The following TUSC3 variants were observed in gnomAD, a reference collection of about 807,000 sequenced individuals.
The protein encoded by TUSC3 is tumor suppressor candidate 3.
TUSC3 carries 45 observed loss-of-function variants against 44.8 expected under a neutral mutation model. That is an observed-to-expected ratio of 1.00 (90% CI 0.79 to 1.29). The LOEUF is 1.29. TUSC3 is among the 50% of genes most tolerant of loss of function. The pLI is 0.00. For missense variants in TUSC3, 519 were observed against 437.9 expected, an observed-to-expected ratio of 1.19 and a Z score of -1.65; for synonymous variants, 212 against 152.9, an observed-to-expected ratio of 1.39 and a Z score of -2.85.
At chr8:15,721,339 T>TA (rs1405763306) in intron 6 of TUSC3, among the ~76,000 whole-genome samples, 1 of 152,100 alleles carries the variant, frequency 6.6e-6, no homozygotes, top group Non-Finnish European at 1.5e-5. Context: ...AATGCAGAAT[T>TA]ATGTAAATTT....
the TUSC3 span, among the ~76,000 whole-genome samples, chr8:15,791,288 C>G: frequency 9.5e-6 from 1 of 105,326 alleles, no homozygotes; most frequent in Non-Finnish European, 2.2e-5. Flanking sequence ...AACCCACGCA[C>G]AAACACACAC....
At chr8:15,566,569 T>G (rs1216689308) in intron 1 of TUSC3, among the ~76,000 whole-genome samples, 1 of 151,966 alleles carries the variant, frequency 6.6e-6, no homozygotes. Flanking sequence ...AGGAGGTATA[T>G]GTACTTGTTT....
intron 6 of TUSC3, among the ~76,000 whole-genome samples, chr8:15,713,582 A>G (rs1809944760): frequency 6.6e-6 from 1 of 152,120 alleles, no homozygotes; most frequent in African/African-American, 2.4e-5. Context: ...AAGCCTACAC[A>G]CATCCGAGAC....
At chr8:15,482,601 T>G (rs1424070455) in intron 1 of TUSC3, among the ~76,000 whole-genome samples, 2 of 152,214 alleles carry the variant, frequency 1.3e-5, no homozygotes, top group East Asian at 3.8e-4. Context: ...AGATTAATGT[T>G]GTTTTCATGC....
rs114888939 is a variant in TUSC3 at position 15,432,101 on chromosome 8, G to C, written n.91+14796G>C. On this transcript the variant is annotated intron_variant and non_coding_transcript_variant, in intron 1 of 5. Coordinates refer to the TUSC3 transcript ENST00000503191. ...CTTACATTGTTCTTGTCTGGCTTTG[G>C]TATCAGAGTAAAACTGGTCTCATAA... 7.0e-3 allele frequency among the ~76,000 whole-genome samples: 1,056 copies of C among 151,928 alleles called. 11 individuals are homozygous for C. Among genetic ancestry groups the C allele is most frequent in the African/African-American group, 0.024 (992 of 41,500 alleles).
At chr8:15,602,666 A>ATGTGTGTGTG (rs60206119) in intron 1 of TUSC3, among the ~76,000 whole-genome samples, 22 of 145,972 alleles carry the variant, frequency 1.5e-4, no homozygotes, top group African/African-American at 5.0e-4. Flanking sequence ...AAATATTTAT[A>ATGTGTGTGTG]TGTGTGTGTG....
chr8:15,622,636 T>G (rs1805301192), intron 1 of TUSC3, among the ~76,000 whole-genome samples: 2 of 152,210 alleles, frequency 1.3e-5, no homozygotes, highest in African/African-American at 2.4e-5. Context: ...CTCTTTTGTG[T>G]ATAGTTGCAG....
chr8:15,461,824 A>G (rs1000832702), intron 1 of TUSC3, among the ~76,000 whole-genome samples: 2 of 152,098 alleles, frequency 1.3e-5, no homozygotes, highest in African/African-American at 2.4e-5. Context: ...AAAGATTTGT[A>G]TATATAATCA....
intron 10 of TUSC3, among the ~76,000 whole-genome samples, chr8:15,762,356 A>ACATTTCAT (rs1370139639): frequency 2.6e-5 from 4 of 152,086 alleles, no homozygotes; most frequent in Non-Finnish European, 5.9e-5. Flanking sequence ...ATAATGATAT[A>ACATTTCAT]AACAACTGAT....
intron 2 of TUSC3, among the ~76,000 whole-genome samples, chr8:15,531,450 C>T (rs1801448158): frequency 6.6e-6 from 1 of 152,162 alleles, no homozygotes. Flanking sequence ...CAGGGTTTCG[C>T]CACGTTGGCC....
intron 1 of TUSC3, among the ~76,000 whole-genome samples, chr8:15,551,345 C>A (rs1279980292): frequency 6.6e-6 from 1 of 151,494 alleles, no homozygotes; most frequent in Non-Finnish European, 1.5e-5. Context: ...CTCTATATAT[C>A]AAAGCTAATT....
At chr8:15,676,954 T>C (rs1435804000) in intron 6 of TUSC3, among the ~76,000 whole-genome samples, 2 of 152,216 alleles carry the variant, frequency 1.3e-5, no homozygotes, top group Admixed American at 6.5e-5. Flanking sequence ...ATTTAATGTT[T>C]AGGATGGTTG....
rs76331437 is a variant in TUSC3 at position 15,571,986 on chromosome 8, T to C, written c.138+31418T>C. 4.5e-3 allele frequency among the ~76,000 whole-genome samples: 689 copies of C among 152,272 alleles called. 5 individuals are homozygous for C. The highest frequency in any genetic ancestry group is 0.016 in the African/African-American group (655 of 41,554). On this transcript the variant is annotated intron_variant, in intron 1 of 10. Transcript: ENST00000503731. ...TTCCATTTATAGAGCACAGGCACAA[T>C]AGATTTAGCTTAATTGCGCTGGACC...
chr8:15,609,142 C>G (rs796192592), intron 1 of TUSC3, among the ~76,000 whole-genome samples: 3 of 152,106 alleles, frequency 2.0e-5, no homozygotes, highest in Admixed American at 2.0e-4. Flanking sequence ...AATAAAGTCA[C>G]TGAAAAAATT....
chr8:15,661,880 G>A (rs958083045), intron 4 of TUSC3, among the ~76,000 whole-genome samples: 11 of 151,844 alleles, frequency 7.2e-5, no homozygotes, highest in Non-Finnish European at 1.0e-4. Context: ...ATCTGAATGG[G>A]CATTTCTTCA....
chr8:15,457,412 A>G (rs970450264), intron 1 of TUSC3, among the ~76,000 whole-genome samples: 3 of 151,848 alleles, frequency 2.0e-5, no homozygotes, highest in Non-Finnish European at 4.4e-5. Flanking sequence ...GTGATTGGTA[A>G]AATACAAATC....
chr8:15,759,887 T>C (rs1341664653), intron 10 of TUSC3, among the ~76,000 whole-genome samples: 3 of 152,150 alleles, frequency 2.0e-5, no homozygotes, highest in Non-Finnish European at 4.4e-5. Context: ...ACACTGTCAT[T>C]GTCACAGTCA....
At chr8:15,636,359 A>T (rs762329572) in intron 2 of TUSC3, among the ~76,000 whole-genome samples, 2 of 152,084 alleles carry the variant, frequency 1.3e-5, no homozygotes, top group Non-Finnish European at 2.9e-5. Context: ...TTAATGTAAA[A>T]CTGATGGGTG....
intron 1 of TUSC3, among the ~76,000 whole-genome samples, chr8:15,596,543 T>A (rs549934232): frequency 2.0e-5 from 3 of 152,306 alleles, no homozygotes; most frequent in Admixed American, 2.0e-4. Flanking sequence ...ACCAATACCC[T>A]GTGCATACTG....
Sources: allele counts gnomAD v4.1 joint callset (sites outside exome capture counted in the v4.1 genomes callset), GRCh38; gene constraint gnomAD v4.1.1; transcripts MANE v1.5; gene names NCBI Gene and HGNC (gene_info 2026-07-23, HGNC 2026-07-21).